Variants in CNTN5 observed in about 807,000 individuals in gnomAD.
CNTN5 encodes the protein contactin 5.
Under a neutral mutation model 129.1 loss-of-function variants are expected in CNTN5, and 77 were observed. That is an observed-to-expected ratio of 0.60 (90% confidence interval 0.50 to 0.72). The LOEUF is 0.72. CNTN5 is among the 30% of genes least tolerant of loss of function. The probability of loss-of-function intolerance (pLI) is 0.00; values close to 1 mark genes in which losing one functional copy is unlikely to be tolerated. For synonymous variants in CNTN5, 509 were observed against 465.6 expected (o/e 1.09, Z -1.20); for missense variants, 1,478 against 1,328.8 (o/e 1.11, Z -1.75).
intron 3 of CNTN5, among the ~76,000 whole-genome samples, chr11:99,660,921 A>G (rs1952571167): frequency 6.6e-6 from 1 of 151,950 alleles, no homozygotes; most frequent in Non-Finnish European, 1.5e-5. Context: ...AATTAATTTC[A>G]CTGCCAAACA....
chr11:99,783,970 TAAAAA>T (rs77183573), intron 3 of CNTN5, among the ~76,000 whole-genome samples: 2 of 147,302 alleles, frequency 1.4e-5, no homozygotes, highest in African/African-American at 5.0e-5. Flanking sequence ...TAAAGTATAA[TAAAAA>T]AAAAAGTATG....
chr11:99,453,383 T>C (rs987665036), intron 2 of CNTN5, among the ~76,000 whole-genome samples: 11 of 152,128 alleles, frequency 7.2e-5, no homozygotes, highest in East Asian at 3.9e-4. Context: ...CTTTAATTCA[T>C]AACTGAAACC....
chr11:99,465,354 A>G (rs982547058), intron 2 of CNTN5, among the ~76,000 whole-genome samples: 2 of 152,172 alleles, frequency 1.3e-5, no homozygotes, highest in African/African-American at 4.8e-5. Flanking sequence ...ATATTTTTCT[A>G]AACCCTATGA....
chr11:100,019,717 G>A (rs747383493), intron 9 of CNTN5, among the ~76,000 whole-genome samples: 3 of 151,968 alleles, frequency 2.0e-5, no homozygotes, highest in African/African-American at 4.8e-5. Context: ...AAGTAGAATT[G>A]TTGGATCATA....
chr11:99,035,633 C>A (rs565746371), intron 1 of CNTN5, among the ~76,000 whole-genome samples: 3 of 150,720 alleles, frequency 2.0e-5, no homozygotes, highest in African/African-American at 4.9e-5. Flanking sequence ...GTAGATCTTC[C>A]TCCATCCTTT....
At chr11:99,278,844 C>A (rs1479843591) in intron 1 of CNTN5, among the ~76,000 whole-genome samples, 2 of 151,630 alleles carry the variant, frequency 1.3e-5, no homozygotes, top group Admixed American at 1.3e-4. Context: ...AAAAGCACAT[C>A]CCACAGCACA....
At chr11:99,991,752 G>GTTTGTTTGTTTC (rs1292212397) in intron 8 of CNTN5, among the ~76,000 whole-genome samples, 1 of 149,816 alleles carries the variant, frequency 6.7e-6, no homozygotes, top group Non-Finnish European at 1.5e-5. Context: ...AGGTTTGTTT[G>GTTTGTTTGTTTC]TTTGTTTGTT....
chr11:99,705,557 G>A (rs1434043226), intron 3 of CNTN5, among the ~76,000 whole-genome samples: 1 of 151,266 alleles, frequency 6.6e-6, no homozygotes. Flanking sequence ...CAAGTATTAG[G>A]CCTAATTTTT....
intron 1 of CNTN5, among the ~76,000 whole-genome samples, chr11:99,182,462 T>C (rs1395839039): frequency 1.3e-5 from 2 of 151,538 alleles, no homozygotes; most frequent in South Asian, 2.1e-4. Context: ...CATTTTTTTT[T>C]CATAACAATT....
At chr11:99,977,859 T>G (rs1451917717) in intron 8 of CNTN5, among the ~76,000 whole-genome samples, 1 of 152,228 alleles carries the variant, frequency 6.6e-6, no homozygotes, top group Non-Finnish European at 1.5e-5. Context: ...CTAGTCAGGC[T>G]AAAATTCCAC....
chr11:99,490,808 T>A (rs905053524), intron 2 of CNTN5, among the ~76,000 whole-genome samples: 1 of 152,168 alleles, frequency 6.6e-6, no homozygotes, highest in African/African-American at 2.4e-5. Context: ...ATAAAAGTTT[T>A]GCTCCACTGG....
intron 13 of CNTN5, among the ~76,000 whole-genome samples, chr11:100,148,721 TAACA>T (rs57611569): frequency 0.64 from 96,183 of 151,290 alleles, 31,568 homozygotes; most frequent in African/African-American, 0.8. Context: ...TAGATATATC[TAACA>T]AACAAACACG....
intron 13 of CNTN5, among the ~76,000 whole-genome samples, chr11:100,133,578 A>T: frequency 6.6e-6 from 1 of 152,150 alleles, no homozygotes; most frequent in African/African-American, 2.4e-5. Context: ...ATTGGACCCC[A>T]GATAGATATT....
intron 1 of CNTN5, among the ~76,000 whole-genome samples, chr11:99,275,365 T>C (rs2135870489): frequency 6.6e-6 from 1 of 151,714 alleles, no homozygotes; most frequent in South Asian, 2.1e-4. Context: ...TTACCTTTTA[T>C]ACTATAATTA....
chr11:100,146,395 TAC>T (rs1220690665), intron 13 of CNTN5, among the ~76,000 whole-genome samples: 1 of 152,048 alleles, frequency 6.6e-6, no homozygotes, highest in African/African-American at 2.4e-5. Context: ...TAATCAGGAG[TAC>T]ACACACACAA....
intron 8 of CNTN5, among the ~76,000 whole-genome samples, chr11:99,979,957 G>A (rs1938229569): frequency 6.6e-6 from 1 of 152,128 alleles, no homozygotes; most frequent in South Asian, 2.1e-4. Flanking sequence ...AATTCAAAGG[G>A]TTATGAGGAG....
At chr11:99,408,486 G>GAAAGAAAGA (rs1942233052) in intron 2 of CNTN5, among the ~76,000 whole-genome samples, 1 of 147,428 alleles carries the variant, frequency 6.8e-6, no homozygotes, top group Non-Finnish European at 1.5e-5. Context: ...AAGAAAGAAA[G>GAAAGAAAGA]AAAGAAAGAA....
chr11:100,082,461 T>A (rs1591201934), intron 13 of CNTN5, among the ~76,000 whole-genome samples: 2 of 152,088 alleles, frequency 1.3e-5, no homozygotes, highest in South Asian at 2.1e-4. Context: ...AAAATTTTTT[T>A]AATTTGTTTT....
intron 3 of CNTN5, among the ~76,000 whole-genome samples, chr11:99,691,352 T>G (rs1473559002): frequency 6.6e-6 from 1 of 152,132 alleles, no homozygotes; most frequent in Admixed American, 6.5e-5. Context: ...GTTGTTAACT[T>G]GAGATCTTTC....
Sources: gnomAD v4.1 joint callset for allele counts (sites outside exome capture counted in the v4.1 genomes callset) on GRCh38, gnomAD v4.1.1 for gene constraint, MANE v1.5 for transcripts, NCBI Gene and HGNC (gene_info 2026-07-23, HGNC 2026-07-21) for gene names.